CNTN4: variants seen among roughly 807,000 people sequenced by gnomAD.
The protein encoded by CNTN4 is contactin-4.
In CNTN4, 77 loss-of-function variants were observed where a neutral mutation model predicts 122.5. The observed-to-expected ratio is 0.63, with a 90% CI of 0.52 to 0.76. CNTN4 has a LOEUF of 0.76. Ranked by LOEUF, CNTN4 falls within the 30% of genes least tolerant of loss-of-function variation. CNTN4 has a pLI of 0.00. For missense variants in CNTN4, 1,256 were observed against 1,259.1 expected (o/e 1.00, Z 0.04); for synonymous variants, 512 against 447.0 (o/e 1.15, Z -1.83).
chr3:2,328,843 G>T (rs1400599815), intron 2 of CNTN4, among the ~76,000 whole-genome samples: 1 of 152,092 alleles, frequency 6.6e-6, no homozygotes, highest in Non-Finnish European at 1.5e-5. Flanking sequence ...CCCAGCATCT[G>T]CAGGGGGTTC....
chr3:2,688,254 A>G (rs184654137), intron 4 of CNTN4, among the ~76,000 whole-genome samples: 38 of 152,068 alleles, frequency 2.5e-4, no homozygotes, highest in African/African-American at 8.2e-4. Context: ...TTTTTTCAGT[A>G]TTTTCCTTTG....
At chr3:2,759,594 G>GT (rs561011968) in intron 6 of CNTN4, among the ~76,000 whole-genome samples, 195 of 151,822 alleles carry the variant, frequency 1.3e-3, no homozygotes, top group South Asian at 2.3e-3. Flanking sequence ...TCATATACAG[G>GT]TTTTTTTGCG....
intron 2 of CNTN4, among the ~76,000 whole-genome samples, chr3:2,198,467 GACTTT>G (rs1484131560): frequency 6.6e-6 from 1 of 152,034 alleles, no homozygotes; most frequent in Non-Finnish European, 1.5e-5. Context: ...TTTTACTTAT[GACTTT>G]ACTTATGGTT....
chr3:2,865,659 G>T (rs2093716168), intron 7 of CNTN4, among the ~76,000 whole-genome samples: 1 of 152,120 alleles, frequency 6.6e-6, no homozygotes, highest in Non-Finnish European at 1.5e-5. Context: ...TCCAGCTTTG[G>T]ACAAATCTGG....
At chr3:2,187,008 A>G (rs867145111) in intron 2 of CNTN4, among the ~76,000 whole-genome samples, 4 of 152,204 alleles carry the variant, frequency 2.6e-5, no homozygotes, top group Middle Eastern at 3.2e-3. Flanking sequence ...GCCCATGCCT[A>G]TGTCCTGAAT....
At chr3:2,134,383 G>C (rs990743107) in intron 2 of CNTN4, among the ~76,000 whole-genome samples, 2 of 152,202 alleles carry the variant, frequency 1.3e-5, no homozygotes, top group Non-Finnish European at 2.9e-5. Flanking sequence ...TTTTCAAAGA[G>C]AGGCAGACAG....
chr3:2,665,424 C>G (rs571048926), intron 4 of CNTN4, among the ~76,000 whole-genome samples: 5 of 152,046 alleles, frequency 3.3e-5, no homozygotes, highest in South Asian at 2.1e-4. Flanking sequence ...GATAAACAAC[C>G]CTTTATAAAT....
rs150851909 is a variant in CNTN4 at position 3,028,517 on chromosome 3, G to C, written c.1662+2240G>C. Among the ~76,000 whole-genome samples, 273 of 152,198 alleles carry C rather than the reference G, an allele frequency of 1.8e-3. 3 individuals carry two copies. Among genetic ancestry groups the C allele is most frequent in the Middle Eastern group, 6.8e-3 (2 of 294 alleles). On this transcript the variant is annotated intron_variant, in intron 15 of 24. Coordinates refer to ENST00000418658, the MANE Select transcript of CNTN4 (RefSeq NM_175607.3). ...AATCAAAATTTTCTATTAATAGGTT[G>C]CTGTGCTCTGAAATATCCAGGCTGC...
At chr3:2,394,967 G>C (rs1031488822) in intron 3 of CNTN4, among the ~76,000 whole-genome samples, 1 of 151,488 alleles carries the variant, frequency 6.6e-6, no homozygotes, top group South Asian at 2.1e-4. Context: ...TTGTATTTTC[G>C]GTAGACACGG....
At chr3:2,764,859 T>C (rs2090772117) in intron 6 of CNTN4, among the ~76,000 whole-genome samples, 1 of 152,194 alleles carries the variant, frequency 6.6e-6, no homozygotes, top group Non-Finnish European at 1.5e-5. Flanking sequence ...GATGTTCCCA[T>C]TTTACGAAGG....
chr3:2,566,705 A>C (rs1470378641), intron 3 of CNTN4, among the ~76,000 whole-genome samples: 2 of 152,218 alleles, frequency 1.3e-5, no homozygotes, highest in African/African-American at 4.8e-5. Context: ...ACTTGTAAGA[A>C]AGATAGGGCT....
chr3:2,679,803 G>A (rs1039138950), intron 4 of CNTN4, among the ~76,000 whole-genome samples: 3 of 152,042 alleles, frequency 2.0e-5, no homozygotes, highest in African/African-American at 7.2e-5. Context: ...ACCTTTCCTT[G>A]ACATCATTCA....
At chr3:2,446,579 T>G (rs968814268) in intron 3 of CNTN4, among the ~76,000 whole-genome samples, 14 of 152,302 alleles carry the variant, frequency 9.2e-5, no homozygotes, top group African/African-American at 2.9e-4. Context: ...TGCAGCTCAT[T>G]TATACCTTCA....
intron 3 of CNTN4, among the ~76,000 whole-genome samples, chr3:2,428,017 C>T (rs1427272585): frequency 6.6e-6 from 1 of 152,056 alleles, no homozygotes; most frequent in Non-Finnish European, 1.5e-5. Flanking sequence ...GGTCTTGACT[C>T]TTTATCCAAT....
intron 3 of CNTN4, among the ~76,000 whole-genome samples, chr3:2,480,394 G>A (rs539507452): frequency 1.3e-5 from 2 of 152,310 alleles, no homozygotes; most frequent in East Asian, 3.9e-4. Flanking sequence ...TCTCCTGGAT[G>A]TAATAAATAA....
chr3:2,164,414 A>G (rs1288066972), intron 2 of CNTN4, among the ~76,000 whole-genome samples: 1 of 152,148 alleles, frequency 6.6e-6, no homozygotes, highest in Non-Finnish European at 1.5e-5. Flanking sequence ...CTCATAACTA[A>G]TAATAGGAAT....
intron 4 of CNTN4, among the ~76,000 whole-genome samples, chr3:2,632,166 A>C (rs1044803403): frequency 6.6e-6 from 1 of 152,044 alleles, no homozygotes; most frequent in Non-Finnish European, 1.5e-5. Flanking sequence ...AAAGACAGAG[A>C]CTGTATTTTT....
chr3:2,185,628 GA>G (rs539766832), intron 2 of CNTN4, among the ~76,000 whole-genome samples: 2 of 152,174 alleles, frequency 1.3e-5, no homozygotes, highest in African/African-American at 2.4e-5. Flanking sequence ...GTACAATCAT[GA>G]GCCCGGCTCT....
rs139053488 is a variant in CNTN4, at chr3:2,735,170, G to A, written c.56-1045G>A. 3.2e-3 allele frequency among the ~76,000 whole-genome samples: 482 copies of A among 152,270 alleles called. 6 individuals carry two copies. Among genetic ancestry groups the A allele is most frequent in the African/African-American group, 0.011 (453 of 41,552 alleles). On this transcript the variant is annotated intron_variant, in intron 4 of 24. Transcript: ENST00000418658. ...GTGCACTTAGTAGAAAAAGATAAGC[G>A]TCTTGGGAAATATAGTTTTAAAATT...
Sources: allele counts gnomAD v4.1 joint callset (sites outside exome capture counted in the v4.1 genomes callset), GRCh38; gene constraint gnomAD v4.1.1; transcripts MANE v1.5; gene names NCBI Gene and HGNC (gene_info 2026-07-23, HGNC 2026-07-21).